Variants in ZCCHC10 observed in about 807,000 individuals in gnomAD.
ZCCHC10 encodes zinc finger CCHC domain-containing protein 10.
ZCCHC10 carries 16 observed loss-of-function variants against 19.5 expected under a neutral mutation model. The observed-to-expected ratio is 0.82, with a 90% CI of 0.56 to 1.25. ZCCHC10 has a LOEUF of 1.25. Ranked by LOEUF, ZCCHC10 falls within the 50% of genes most tolerant of loss-of-function variation. ZCCHC10 has a pLI of 0.00. For synonymous variants in ZCCHC10, 67 were observed against 72.5 expected, an observed-to-expected ratio of 0.92 and a Z score of 0.38; for missense variants, 197 against 201.0, an observed-to-expected ratio of 0.98 and a Z score of 0.12.
At chr5:133,001,048 T>A (rs1762738117) in intron 3 of ZCCHC10, among the ~76,000 whole-genome samples, 1 of 152,128 alleles carries the variant, frequency 6.6e-6, no homozygotes, top group Non-Finnish European at 1.5e-5. Flanking sequence ...AATAGCTTGC[T>A]GCTATTATTC....
intron 2 of ZCCHC10, among the ~76,000 whole-genome samples, chr5:133,007,795 T>G (rs1026368356): frequency 1.3e-5 from 2 of 152,148 alleles, no homozygotes; most frequent in Admixed American, 6.6e-5. Context: ...AGCATAGACC[T>G]TGAAGTTAAG....
chr5:133,019,445 T>A (rs895676796), intron 2 of ZCCHC10, among the ~76,000 whole-genome samples: 1 of 152,220 alleles, frequency 6.6e-6, no homozygotes, highest in Non-Finnish European at 1.5e-5. Flanking sequence ...GGCTGAGGGA[T>A]GTATTGTAAC....
Position 132,999,157 on chromosome 5 carries a change from T to C in ZCCHC10, c.312-307A>G, listed in dbSNP as rs527871484. On this transcript the variant is annotated intron_variant, in intron 4 of 4. Transcript: ENST00000509437. ...CCAGGCTGGTCTCGAACTCCTGACCTCATGATCTGCCCGCCTCAGCCTCCC... is the reference window on the plus strand; with the variant it reads ...CCAGGCTGGTCTCGAACTCCTGACCCCATGATCTGCCCGCCTCAGCCTCCC... Among the ~76,000 whole-genome samples, 4 of 152,228 alleles carry C rather than the reference T, an allele frequency of 2.6e-5. No individual in the cohort carries two copies. The East Asian group carries it at 7.7e-4, about 29-fold the overall frequency.
chr5:133,003,127 C>A, intron 3 of ZCCHC10: 1 of 305,934 alleles, frequency 3.3e-6, no homozygotes, highest in Admixed American at 3.5e-5. Context: ...CATTCTCCGC[C>A]AGATCATGGG....
intron 3 of ZCCHC10, among the ~76,000 whole-genome samples, chr5:133,003,802 C>T (rs1171562093): frequency 6.6e-6 from 1 of 152,196 alleles, no homozygotes; most frequent in African/African-American, 2.4e-5. Context: ...CTTCTGCCTC[C>T]TGGGTTCAAG....
At chr5:133,005,413 G>C (rs1250281050) in intron 3 of ZCCHC10, among the ~76,000 whole-genome samples, 1 of 152,114 alleles carries the variant, frequency 6.6e-6, no homozygotes, top group Non-Finnish European at 1.5e-5. Flanking sequence ...AGGAGTTTGA[G>C]ACCACCCTGG....
chr5:133,001,645 C>T (rs549085141), intron 3 of ZCCHC10, among the ~76,000 whole-genome samples: 7 of 151,894 alleles, frequency 4.6e-5, no homozygotes, highest in African/African-American at 1.2e-4. Context: ...TTTGTAGAGA[C>T]GGGGTTTGAC....
Position 132,998,719 on chromosome 5 carries a change from G to C in ZCCHC10, c.443C>G (p.Ser148Cys). The C allele has an allele frequency of 6.2e-7, 1 of 1,614,112 alleles. No individual in the cohort carries two copies. Among genetic ancestry groups the C allele is most frequent in the South Asian group, 1.1e-5 (1 of 91,080 alleles). The change falls in exon 5 of 5, where the codon TCC becomes TGC. Residue 148 changes from serine to cysteine, a missense_variant. Ser to Cys is a moderately radical substitution (Grantham distance 112). Transcript: ENST00000509437. ...GGTTGTGGAGGAGGCTGAGGATGAGGAACTAGAGGAGCTTTCATCAGTGTC... is the reference window on the plus strand; with the variant it reads ...GGTTGTGGAGGAGGCTGAGGATGAGCAACTAGAGGAGCTTTCATCAGTGTC... ...DSDTDESSSS[S>C]SSSASSTTSS...
intron 2 of ZCCHC10, 93 bp downstream of exon 2, chr5:133,022,748 G>A (rs1199445940): frequency 1.9e-5 from 8 of 417,760 alleles, no homozygotes; most frequent in South Asian, 6.1e-5. Flanking sequence ...ACCACGCCCC[G>A]GCCTTGTTCA....
intron 2 of ZCCHC10, among the ~76,000 whole-genome samples, chr5:133,015,301 A>C (rs1763850110): frequency 1.3e-5 from 2 of 151,780 alleles, no homozygotes; most frequent in Admixed American, 1.3e-4. Context: ...ATGGTCTCGA[A>C]CTCCTAACCT....
intron 2 of ZCCHC10, among the ~76,000 whole-genome samples, chr5:133,008,034 G>A (rs185391940): frequency 0.011 from 1,678 of 151,724 alleles, 27 homozygotes; most frequent in African/African-American, 0.034. Context: ...GACCATCCTG[G>A]CTAACACGGT....
intron 2 of ZCCHC10, among the ~76,000 whole-genome samples, chr5:133,012,995 G>A (rs1250558581): frequency 2.7e-5 from 4 of 150,808 alleles, no homozygotes; most frequent in Non-Finnish European, 5.9e-5. Context: ...AGCTTGCAGT[G>A]AGCCCAGATA....
At chr5:133,010,173 G>C (rs1763405092) in intron 2 of ZCCHC10, among the ~76,000 whole-genome samples, 2 of 151,480 alleles carry the variant, frequency 1.3e-5, no homozygotes. Context: ...CTCAGCTTCG[G>C]GAGTAGCTGG....
At chr5:133,015,383 A>G (rs1229242032) in intron 2 of ZCCHC10, among the ~76,000 whole-genome samples, 2 of 152,036 alleles carry the variant, frequency 1.3e-5, no homozygotes, top group Admixed American at 6.6e-5. Flanking sequence ...TTGGCCTGTA[A>G]AGTTACTTTT....
chr5:133,008,473 G>A (rs1433520677), intron 2 of ZCCHC10, among the ~76,000 whole-genome samples: 1 of 151,094 alleles, frequency 6.6e-6, no homozygotes, highest in Non-Finnish European at 1.5e-5. Flanking sequence ...GGGAGGCGGA[G>A]GTTGCAGTGA....
chr5:133,020,989 C>T (rs555166333), intron 2 of ZCCHC10, among the ~76,000 whole-genome samples: 20 of 152,200 alleles, frequency 1.3e-4, no homozygotes, highest in Admixed American at 9.2e-4. Flanking sequence ...CTCTGCCTCT[C>T]GGCTTCACGC....
intron 1 of ZCCHC10, among the ~76,000 whole-genome samples, chr5:133,024,148 C>A (rs1764515160): frequency 1.3e-5 from 2 of 152,188 alleles, no homozygotes; most frequent in East Asian, 3.8e-4. Flanking sequence ...ATTTGTTTAA[C>A]TTTTGATACT....
intron 2 of ZCCHC10, among the ~76,000 whole-genome samples, chr5:133,013,171 T>C (rs1414335699): frequency 1.3e-5 from 2 of 148,538 alleles, no homozygotes; most frequent in East Asian, 2.0e-4. Flanking sequence ...GGCAGGAGAA[T>C]TGCTTGAACC....
chr5:133,023,437 G>A (rs1039217607), intron 1 of ZCCHC10, among the ~76,000 whole-genome samples: 7 of 147,570 alleles, frequency 4.7e-5, no homozygotes, highest in African/African-American at 1.5e-4. Context: ...TTTTTTCCCC[G>A]TCTTCTTCTA....
Sources: gnomAD v4.1 joint callset for allele counts (sites outside exome capture counted in the v4.1 genomes callset) on GRCh38, gnomAD v4.1.1 for gene constraint, MANE v1.5 for transcripts, NCBI Gene and HGNC (gene_info 2026-07-23, HGNC 2026-07-21) for gene names.